NYAP2: variants seen among roughly 807,000 people sequenced by gnomAD.
NYAP2 encodes the protein neuronal tyrosine-phosphorylated phosphoinositide-3-kinase adapter 2.
Under a neutral mutation model 50.4 loss-of-function variants are expected in NYAP2, and 23 were observed. That is an observed-to-expected ratio of 0.46 (90% CI 0.33 to 0.65). The LOEUF (loss-of-function observed/expected upper bound fraction) is 0.65. Ranked by LOEUF, NYAP2 falls within the 30% of genes least tolerant of loss-of-function variation. The pLI is 0.02. For missense variants in NYAP2, 885 were observed against 861.0 expected (o/e 1.03, Z -0.35); for synonymous variants, 394 against 365.2 (o/e 1.08, Z -0.90).
chr2:225,453,983 T>C (rs1425445509), intron 3 of NYAP2, among the ~76,000 whole-genome samples: 2 of 151,944 alleles, frequency 1.3e-5, no homozygotes, highest in Non-Finnish European at 2.9e-5. Context: ...GGCCATCTAT[T>C]AATTTTTTTA....
rs77912810 is a variant in NYAP2, at chr2:225,535,783, G to T, written c.523+22111G>T. Among the ~76,000 whole-genome samples, 1,029 of 152,192 alleles carry T rather than the reference G, an allele frequency of 6.8e-3. 8 individuals carry two copies. Among genetic ancestry groups the T allele is most frequent in the African/African-American group, 0.022 (900 of 41,514 alleles). On this transcript the variant is annotated intron_variant, in intron 4 of 6. Transcript: ENST00000636099. ...TTGCTTAGATGGAGGTAGGAACAGT[G>T]GAACAGTTGGTAAATAGTGAGAAAA...
chr2:225,460,665 G>T (rs1003833970), intron 3 of NYAP2, among the ~76,000 whole-genome samples: 3 of 152,150 alleles, frequency 2.0e-5, no homozygotes, highest in African/African-American at 7.2e-5. Context: ...GAGAGAGAAA[G>T]TGTTTGCCTA....
At chr2:225,541,849 G>C (rs1422880361) in intron 4 of NYAP2, among the ~76,000 whole-genome samples, 1 of 151,938 alleles carries the variant, frequency 6.6e-6, no homozygotes, top group African/African-American at 2.4e-5. Context: ...TTTGATAAAG[G>C]TTGCATTGAA....
intron 5 of NYAP2, among the ~76,000 whole-genome samples, chr2:225,625,581 G>A (rs1022680766): frequency 6.6e-6 from 1 of 152,030 alleles, no homozygotes; most frequent in Non-Finnish European, 1.5e-5. Flanking sequence ...CAAGACATAA[G>A]GGCATTCAAA....
intron 4 of NYAP2, among the ~76,000 whole-genome samples, chr2:225,513,956 A>G (rs1321507964): frequency 6.6e-6 from 1 of 152,234 alleles, no homozygotes; most frequent in Non-Finnish European, 1.5e-5. Context: ...AATATATCTA[A>G]AAGTTATATT....
exon 7 of NYAP2, chr2:225,651,606 C>G: frequency 6.2e-7 from 1 of 1,610,608 alleles, no homozygotes; most frequent in Admixed American, 1.7e-5. Context: ...CCACCTCTGT[C>G]TGTCCTGTTG....
intron 5 of NYAP2, among the ~76,000 whole-genome samples, chr2:225,605,241 T>C (rs1203405222): frequency 6.6e-6 from 1 of 152,162 alleles, no homozygotes; most frequent in African/African-American, 2.4e-5. Flanking sequence ...TTAATTAAAG[T>C]TGATTGCACC....
intron 5 of NYAP2, among the ~76,000 whole-genome samples, chr2:225,586,627 T>C (rs1692394074): frequency 6.6e-6 from 1 of 152,176 alleles, no homozygotes; most frequent in Admixed American, 6.5e-5. Flanking sequence ...GAAAATAATT[T>C]ACTACCTATC....
At chr2:225,528,326 C>G (rs1435612311) in intron 4 of NYAP2, among the ~76,000 whole-genome samples, 2 of 152,166 alleles carry the variant, frequency 1.3e-5, no homozygotes, top group Non-Finnish European at 2.9e-5. Flanking sequence ...AAATACTTGG[C>G]AAATAAATAG....
intron 4 of NYAP2, among the ~76,000 whole-genome samples, chr2:225,547,343 C>A (rs1691603287): frequency 6.6e-6 from 1 of 152,212 alleles, no homozygotes. Context: ...AGATCATGTG[C>A]CCTGCAAATC....
chr2:225,477,230 T>TC, intron 3 of NYAP2, among the ~76,000 whole-genome samples: 1 of 98,636 alleles, frequency 1.0e-5, no homozygotes, highest in South Asian at 4.3e-4. Flanking sequence ...AGTCTCTATT[T>TC]CTTTTTTTTT....
At position 225,476,922 on chromosome 2, in the gene NYAP2, CTATT is replaced by C. The variant is rs1690123901; in HGVS notation, c.222-36446_222-36443del. Among the ~76,000 whole-genome samples, 5 of 152,062 alleles carry C rather than the reference CTATT, an allele frequency of 3.3e-5. No homozygotes were observed. In the East Asian group the frequency reaches 7.7e-4, roughly 23 times the overall value. ...TTGTATAATTGACTTTAAAAAACGG[CTATT>C]TAACAACTGTCTCATAAATTTTCTG... On this transcript the variant is annotated intron_variant, in intron 3 of 6. Coordinates refer to ENST00000636099, the Ensembl canonical transcript of NYAP2.
At chr2:225,695,573 C>T in the NYAP2 span, among the ~76,000 whole-genome samples, 3 of 151,688 alleles carry the variant, frequency 2.0e-5, no homozygotes, top group Admixed American at 2.0e-4. Context: ...CATGTTGGGA[C>T]CACCAAGATG....
intron 5 of NYAP2, among the ~76,000 whole-genome samples, chr2:225,614,584 A>G (rs1057351777): frequency 1.3e-5 from 2 of 152,210 alleles, no homozygotes; most frequent in Non-Finnish European, 2.9e-5. Context: ...AAAGCATCAC[A>G]TATTGGATTT....
chr2:225,655,886 AC>A (rs1302126168), downstream of NYAP2, among the ~76,000 whole-genome samples: 2,870 of 17,186 alleles, frequency 0.17, 105 homozygotes, highest in African/African-American at 0.35. Flanking sequence ...AACCTCCACT[AC>A]ACACACACAC....
chr2:225,589,993 G>A (rs1444412381), intron 5 of NYAP2, among the ~76,000 whole-genome samples: 4 of 152,070 alleles, frequency 2.6e-5, no homozygotes, highest in African/African-American at 7.2e-5. Context: ...GGCTGGATTC[G>A]GAACCTCTTG....
intron 5 of NYAP2, among the ~76,000 whole-genome samples, chr2:225,623,206 G>T (rs889852003): frequency 2.4e-4 from 37 of 152,208 alleles, no homozygotes; most frequent in Admixed American, 3.3e-4. Flanking sequence ...TATTTATTCA[G>T]AGCTTGCATT....
chr2:225,630,901 A>T (rs1331901541), intron 6 of NYAP2, among the ~76,000 whole-genome samples: 1 of 152,230 alleles, frequency 6.6e-6, no homozygotes, highest in Non-Finnish European at 1.5e-5. Flanking sequence ...CAGTTTGCTT[A>T]TGTTAAGTTA....
At chr2:225,654,018 CAAA>C (rs1202785934), downstream of NYAP2, 5 of 82,094 alleles carry the variant, frequency 6.1e-5, no homozygotes, top group East Asian at 4.0e-4. Context: ...GACTCCATCT[CAAA>C]AAAAAAAAAA....
Sources: gnomAD v4.1 joint callset for allele counts (sites outside exome capture counted in the v4.1 genomes callset) on GRCh38, gnomAD v4.1.1 for gene constraint, MANE v1.5 for transcripts, NCBI Gene and HGNC (gene_info 2026-07-23, HGNC 2026-07-21) for gene names.